The following CLDN10 variants were observed in gnomAD, a reference collection of about 807,000 sequenced individuals.
CLDN10 encodes claudin 10.
A neutral mutation model predicts 22.9 loss-of-function variants in CLDN10; 15 were observed. That is an observed-to-expected ratio of 0.65 (90% confidence interval 0.44 to 1.01). The LOEUF is 1.01. Ranked by LOEUF, CLDN10 falls within the 50% of genes least tolerant of loss-of-function variation. The pLI is 0.00. For synonymous variants in CLDN10, 114 were observed against 111.4 expected, an observed-to-expected ratio of 1.02 and a Z score of -0.15; for missense variants, 247 against 287.8, an observed-to-expected ratio of 0.86 and a Z score of 1.03.
intron 1 of CLDN10, among the ~76,000 whole-genome samples, chr13:95,521,819 A>C (rs2043226872): frequency 6.6e-6 from 1 of 151,962 alleles, no homozygotes; most frequent in South Asian, 2.1e-4. Context: ...AAAAGATTTA[A>C]ATTGCCTCTC....
At chr13:95,504,658 G>A (rs975749394) in intron 1 of CLDN10, among the ~76,000 whole-genome samples, 9 of 152,212 alleles carry the variant, frequency 5.9e-5, no homozygotes, top group African/African-American at 1.9e-4. Flanking sequence ...GGGATTACAA[G>A]CATGAGCCAC....
At chr13:95,437,531 G>A (rs560295635) in intron 1 of CLDN10, among the ~76,000 whole-genome samples, 15 of 152,342 alleles carry the variant, frequency 9.8e-5, no homozygotes, top group African/African-American at 3.6e-4. Context: ...TGGCTGCAGT[G>A]AGGGATTGAA....
intron 1 of CLDN10, among the ~76,000 whole-genome samples, chr13:95,544,833 G>A (rs2043492419): frequency 6.6e-6 from 1 of 151,662 alleles, no homozygotes; most frequent in Admixed American, 6.6e-5. Flanking sequence ...CTGGAGTGCA[G>A]TGGTGCGATC....
intron 1 of CLDN10, among the ~76,000 whole-genome samples, chr13:95,532,499 G>A (rs909457082): frequency 1.3e-5 from 2 of 152,176 alleles, no homozygotes; most frequent in Admixed American, 6.5e-5. Context: ...AACATCTAAC[G>A]TTGGCAAGAA....
At chr13:95,435,432 G>A (rs1280103979) in intron 1 of CLDN10, among the ~76,000 whole-genome samples, 1 of 152,084 alleles carries the variant, frequency 6.6e-6, no homozygotes, top group Non-Finnish European at 1.5e-5. Context: ...TGAGTGCCAG[G>A]GGATAAAGAG....
intron 1 of CLDN10, among the ~76,000 whole-genome samples, chr13:95,495,491 T>A (rs2042919237): frequency 6.8e-6 from 1 of 147,850 alleles, no homozygotes. Context: ...AAGCCTGTAA[T>A]CCCAGCACTT....
At chr13:95,475,571 GGTTTGAAA>G (rs2042677704) in intron 1 of CLDN10, among the ~76,000 whole-genome samples, 1 of 152,222 alleles carries the variant, frequency 6.6e-6, no homozygotes, top group Admixed American at 6.5e-5. Context: ...TGGCCAGCAG[GGTTTGAAA>G]GAGTTTCAGT....
intron 1 of CLDN10, among the ~76,000 whole-genome samples, chr13:95,455,391 TC>T (rs1320227767): frequency 6.6e-6 from 1 of 152,190 alleles, no homozygotes; most frequent in African/African-American, 2.4e-5. Context: ...ATGGTTTATT[TC>T]TTTGTGAAGT....
chr13:95,574,440 T>C (rs2043899047), intron 3 of CLDN10, among the ~76,000 whole-genome samples: 2 of 152,240 alleles, frequency 1.3e-5, no homozygotes, highest in African/African-American at 4.8e-5. Context: ...AATGATTTTT[T>C]CCTTGGAATA....
chr13:95,551,525 T>TAA (rs35829461), upstream of CLDN10, among the ~76,000 whole-genome samples: 3 of 146,198 alleles, frequency 2.1e-5, no homozygotes, highest in African/African-American at 7.5e-5. Flanking sequence ...CCCATTTGGT[T>TAA]AAAAAAAAAA....
chr13:95,575,972 C>T (rs954470026), intron 3 of CLDN10, among the ~76,000 whole-genome samples: 15 of 152,180 alleles, frequency 9.9e-5, no homozygotes, highest in African/African-American at 2.4e-4. Flanking sequence ...ATTAAAAGCA[C>T]GCCCTGCTTC....
chr13:95,564,053 G>A lies in CLDN10; in HGVS notation c.464+3590G>A, dbSNP rs902805788. ...TTTTGTTTGTACATGAACTTAGAGA[G>A]GAATACGTTGTAGAATCAAAGCTTG... On this transcript the variant is annotated intron_variant, in intron 3 of 4. Transcript: ENST00000299339. 3.3e-5 allele frequency among the ~76,000 whole-genome samples: 5 copies of A among 152,306 alleles called. No individual in the cohort carries two copies. In the South Asian group the frequency reaches 8.3e-4, roughly 25 times the overall value.
At chr13:95,518,690 C>T (rs957997248) in intron 1 of CLDN10, among the ~76,000 whole-genome samples, 1 of 151,972 alleles carries the variant, frequency 6.6e-6, no homozygotes, top group Non-Finnish European at 1.5e-5. Flanking sequence ...ACCTGGGAAA[C>T]GGAGGTTGCA....
chr13:95,568,990 G>A (rs1245371290), intron 3 of CLDN10, among the ~76,000 whole-genome samples: 5 of 152,046 alleles, frequency 3.3e-5, no homozygotes, highest in Non-Finnish European at 5.9e-5. Flanking sequence ...CCCTTCATCC[G>A]TAGAATGAGG....
chr13:95,434,431 CTCTCTCTCTCTCTG>C (rs541648281), intron 1 of CLDN10, among the ~76,000 whole-genome samples: 1,382 of 112,256 alleles, frequency 0.012, 17 homozygotes, highest in African/African-American at 0.061. Flanking sequence ...CTCTTCCTCT[CTCTCTCTCTCTCTG>C]TCTCTCTCTC....
chr13:95,447,155 G>A (rs1295116221), intron 1 of CLDN10, among the ~76,000 whole-genome samples: 2 of 152,190 alleles, frequency 1.3e-5, no homozygotes, highest in East Asian at 3.9e-4. Flanking sequence ...ACAGAATGTG[G>A]ACATTTGTGA....
At chr13:95,481,653 T>C (rs921465284) in intron 1 of CLDN10, among the ~76,000 whole-genome samples, 2 of 152,246 alleles carry the variant, frequency 1.3e-5, no homozygotes, top group African/African-American at 4.8e-5. Flanking sequence ...TTGTGAACAC[T>C]GAAATTTGAA....
chr13:95,448,161 TACAC>T (rs2042398885), intron 1 of CLDN10, among the ~76,000 whole-genome samples: 1 of 151,822 alleles, frequency 6.6e-6, no homozygotes, highest in Admixed American at 6.6e-5. Context: ...TAACTACTCA[TACAC>T]ACAATCTCTT....
At chr13:95,495,227 G>T (rs917205606) in intron 1 of CLDN10, among the ~76,000 whole-genome samples, 2 of 151,502 alleles carry the variant, frequency 1.3e-5, no homozygotes, top group African/African-American at 4.8e-5. Flanking sequence ...TGTAGTGACG[G>T]GGTTTCATCA....
Sources: allele counts gnomAD v4.1 joint callset (sites outside exome capture counted in the v4.1 genomes callset), GRCh38; gene constraint gnomAD v4.1.1; transcripts MANE v1.5; gene names NCBI Gene and HGNC (gene_info 2026-07-23, HGNC 2026-07-21).